CBL: variants seen among roughly 807,000 people sequenced by gnomAD.
CBL encodes Cbl proto-oncogene, also known as E3 ubiquitin-protein ligase CBL.
CBL carries 45 observed loss-of-function variants against 96.9 expected under a neutral mutation model. That is an observed-to-expected ratio of 0.46 (90% CI 0.37 to 0.60). CBL has a LOEUF of 0.60. Among genes scored for constraint, CBL ranks in the 20% least tolerant of loss-of-function variants. CBL has a pLI of 0.00. For synonymous variants in CBL, 420 were observed against 426.8 expected (o/e 0.98, Z 0.20); for missense variants, 1,024 against 1,143.5 (o/e 0.90, Z 1.51).
chr11:119,265,505 G>A (rs114596071), intron 2 of CBL, among the ~76,000 whole-genome samples: 2,649 of 152,192 alleles, frequency 0.017, 65 homozygotes, highest in African/African-American at 0.058. Context: ...GAAAATATAC[G>A]TTAAAAAATT....
chr11:119,213,211 T>TAC (rs1172692752), intron 1 of CBL, among the ~76,000 whole-genome samples: 3 of 152,186 alleles, frequency 2.0e-5, no homozygotes, highest in African/African-American at 7.2e-5. Context: ...AAAAGCACCT[T>TAC]AGGAAACTTC....
chr11:119,278,329 A>G (rs1251907029), intron 8 of CBL, 32 bp downstream of exon 8: 7 of 1,613,094 alleles, frequency 4.3e-6, no homozygotes, highest in African/African-American at 4.0e-5. Context: ...TTTTTCAGCT[A>G]TGTAATAACC....
intron 2 of CBL, among the ~76,000 whole-genome samples, chr11:119,269,169 T>A (rs1449440949): frequency 6.6e-6 from 1 of 152,092 alleles, no homozygotes; most frequent in Non-Finnish European, 1.5e-5. Flanking sequence ...ATGGTAGAAA[T>A]TCTATTAAAC....
intron 1 of CBL, among the ~76,000 whole-genome samples, chr11:119,220,226 C>G (rs1949397373): frequency 6.6e-6 from 1 of 152,156 alleles, no homozygotes; most frequent in South Asian, 2.1e-4. Context: ...GTCTTGAACT[C>G]CTGACCTCAG....
intron 12 of CBL, among the ~76,000 whole-genome samples, chr11:119,290,512 CATG>C (rs1353607116): frequency 1.3e-5 from 2 of 149,746 alleles, no homozygotes; most frequent in Admixed American, 6.6e-5. Flanking sequence ...ATTAGCCAGG[CATG>C]GTGGTGGGCA....
intron 2 of CBL, among the ~76,000 whole-genome samples, chr11:119,251,727 C>G (rs1432390879): frequency 6.6e-6 from 1 of 152,100 alleles, no homozygotes; most frequent in Non-Finnish European, 1.5e-5. Flanking sequence ...CTGCACCCAC[C>G]CCCAAGAATC....
chr11:119,286,878 A>G (rs1166834942), intron 11 of CBL, among the ~76,000 whole-genome samples: 29 of 152,228 alleles, frequency 1.9e-4, no homozygotes, highest in Admixed American at 1.9e-3. Context: ...TGTTAATTGA[A>G]TAACATAGTA....
In CBL at chr11:119,301,696, T is replaced by C. The variant is rs1918; in HGVS notation, c.*1915T>C. ...GATTTGCTGTGGTTACCCAGTGTCT[T>C]CTCTACATGGCATAAAGCGGCAAAG... On this transcript the variant is annotated 3_prime_UTR_variant, in exon 16 of 16. Transcript: ENST00000264033. 19,240 of 233,100 alleles carry C rather than the reference T, an allele frequency of 0.083. 1,367 individuals carry two copies. The highest frequency in any genetic ancestry group is 0.22 in the African/African-American group (10,074 of 45,352). 14.4% of individuals were successfully genotyped at this position (233,100 alleles called of 1,614,324 possible).
At chr11:119,216,979 A>G (rs1210301231) in intron 1 of CBL, among the ~76,000 whole-genome samples, 2 of 152,244 alleles carry the variant, frequency 1.3e-5, no homozygotes, top group Non-Finnish European at 2.9e-5. Flanking sequence ...AAGACTGACA[A>G]GTAAGAACTA....
Position 119,297,453 on chromosome 11 carries a change from G to A in CBL, c.2223G>A (p.Ala741=), listed in dbSNP as rs202229538. ...CAATGTATAATATTCAGTCCCAGGCGCCATCTATCACCGAGAGCAGCACCT... is the reference window on the plus strand; with the variant it reads ...CAATGTATAATATTCAGTCCCAGGCACCATCTATCACCGAGAGCAGCACCT... ...YEAMYNIQSQ[A]PSITESSTFG... Residue 741 remains alanine, a synonymous_variant, in exon 14 of 16, where the codon GCG becomes GCA. Transcript: ENST00000264033. 34 of 1,612,826 alleles carry A rather than the reference G, an allele frequency of 2.1e-5. No homozygotes were observed. The highest frequency in any genetic ancestry group is 1.8e-4 in the Admixed American group (11 of 59,980).
chr11:119,222,696 G>GGTTC (rs1949420576), intron 1 of CBL, among the ~76,000 whole-genome samples: 1 of 150,492 alleles, frequency 6.6e-6, no homozygotes, highest in Non-Finnish European at 1.5e-5. Flanking sequence ...TTTGTTTTTT[G>GGTTC]AAGGTTAACT....
intron 2 of CBL, among the ~76,000 whole-genome samples, chr11:119,259,555 C>T (rs576474383): frequency 3.6e-4 from 55 of 152,182 alleles, no homozygotes; most frequent in Non-Finnish European, 6.8e-4. Context: ...CATAGGGGCT[C>T]TAATGTTCAA....
At chr11:119,277,710 C>T (rs2135302877) in intron 6 of CBL, 47 bp from the exon 7 acceptor site, 1 of 1,316,632 alleles carries the variant, frequency 7.6e-7, no homozygotes, top group East Asian at 2.3e-5. Context: ...TTAGCAAGCA[C>T]TGGCAAATTG....
chr11:119,221,596 T>C (rs1444799798), intron 1 of CBL, among the ~76,000 whole-genome samples: 2 of 151,778 alleles, frequency 1.3e-5, no homozygotes, highest in East Asian at 1.9e-4. Context: ...TGAAACCCCC[T>C]CTCTACTAAA....
chr11:119,251,939 G>A (rs1480864510), intron 2 of CBL, among the ~76,000 whole-genome samples: 3 of 152,144 alleles, frequency 2.0e-5, no homozygotes, highest in African/African-American at 4.8e-5. Flanking sequence ...CTACAAGAAC[G>A]TCTTTCCTGC....
At chr11:119,226,008 C>T (rs1949456107) in intron 1 of CBL, among the ~76,000 whole-genome samples, 1 of 152,178 alleles carries the variant, frequency 6.6e-6, no homozygotes, top group Admixed American at 6.5e-5. Flanking sequence ...GGATTACAGG[C>T]ATGAGCCACC....
At chr11:119,239,136 A>AT (rs1345489065) in intron 2 of CBL, among the ~76,000 whole-genome samples, 5 of 151,800 alleles carry the variant, frequency 3.3e-5, no homozygotes, top group African/African-American at 1.2e-4. Context: ...TGCCTGGCTA[A>AT]TTTTTGTATT....
intron 1 of CBL, among the ~76,000 whole-genome samples, chr11:119,210,808 C>G (rs1949310734): frequency 6.6e-6 from 1 of 151,734 alleles, no homozygotes; most frequent in South Asian, 2.1e-4. Context: ...GGTTGGCAAA[C>G]TTTTTCTGTA....
chr11:119,291,772 G>A (rs901968498), intron 12 of CBL, among the ~76,000 whole-genome samples: 1 of 152,146 alleles, frequency 6.6e-6, no homozygotes, highest in South Asian at 2.1e-4. Context: ...CCTACAAAAC[G>A]TTTTCCCCTG....
Sources: allele counts gnomAD v4.1 joint callset (sites outside exome capture counted in the v4.1 genomes callset), GRCh38; gene constraint gnomAD v4.1.1; transcripts MANE v1.5; gene names NCBI Gene and HGNC (gene_info 2026-07-23, HGNC 2026-07-21).